RP1: variants seen among roughly 807,000 people sequenced by gnomAD.
The protein encoded by RP1 is oxygen-regulated protein 1.
RP1 carries 16 observed loss-of-function variants against 14.8 expected under a neutral mutation model. The ratio of observed to expected loss-of-function variants is 1.08; its 90% CI spans 0.73 to 1.65. RP1 has a LOEUF of 1.65. Among genes scored for constraint, RP1 ranks in the 40% most tolerant of loss-of-function variants. The probability of loss-of-function intolerance (pLI) is 0.00; values close to 1 mark genes in which losing one functional copy is unlikely to be tolerated. For missense variants in RP1, 2,631 were observed against 2,535.0 expected, an observed-to-expected ratio of 1.04 and a Z score of -0.81; for synonymous variants, 876 against 883.6, an observed-to-expected ratio of 0.99 and a Z score of 0.15.
intron 1 of RP1, among the ~76,000 whole-genome samples, chr8:54,604,622 C>A (rs1215090536): frequency 6.6e-6 from 1 of 152,122 alleles, no homozygotes; most frequent in African/African-American, 2.4e-5. Context: ...GATACCAGAT[C>A]CTCCTTGTAC....
chr8:54,782,246 A>G (rs982826257), intron 23 of RP1, among the ~76,000 whole-genome samples: 1 of 152,132 alleles, frequency 6.6e-6, no homozygotes, highest in Admixed American at 6.6e-5. Flanking sequence ...CACCCTTTTG[A>G]GTTCTGCTGC....
chr8:54,826,354 T>A (rs1168785555), intron 24 of RP1, among the ~76,000 whole-genome samples: 5 of 152,194 alleles, frequency 3.3e-5, no homozygotes, highest in Admixed American at 3.3e-4. Flanking sequence ...CATTGCCACC[T>A]CCTGGAGGAA....
At chr8:54,827,609 C>A (rs963844813) in intron 24 of RP1, among the ~76,000 whole-genome samples, 2 of 152,094 alleles carry the variant, frequency 1.3e-5, no homozygotes, top group Non-Finnish European at 2.9e-5. Flanking sequence ...GGATTACAGG[C>A]GTGAGCCACT....
chr8:54,572,726 A>G (rs1468512542), intron 1 of RP1, among the ~76,000 whole-genome samples: 1 of 152,160 alleles, frequency 6.6e-6, no homozygotes, highest in Non-Finnish European at 1.5e-5. Flanking sequence ...TATGTACTCA[A>G]TGTCTACTCC....
intron 7 of RP1, among the ~76,000 whole-genome samples, chr8:54,669,481 G>T (rs1452195209): frequency 6.6e-6 from 1 of 152,192 alleles, no homozygotes; most frequent in Non-Finnish European, 1.5e-5. Context: ...ATTCCTCAAG[G>T]ATCTAGAACT....
At chr8:54,584,038 G>A (rs2129297915) in intron 1 of RP1, among the ~76,000 whole-genome samples, 1 of 152,020 alleles carries the variant, frequency 6.6e-6, no homozygotes, top group Non-Finnish European at 1.5e-5. Context: ...CTTGCCTTCT[G>A]CTAGCTTTTG....
chr8:54,809,866 G>A (rs1810946607), intron 24 of RP1, among the ~76,000 whole-genome samples: 1 of 152,198 alleles, frequency 6.6e-6, no homozygotes, highest in African/African-American at 2.4e-5. Context: ...GAATTGCAGT[G>A]TGAACGAGAG....
intron 1 of RP1, among the ~76,000 whole-genome samples, chr8:54,584,821 A>T (rs550339029): frequency 5.3e-5 from 8 of 152,114 alleles, no homozygotes; most frequent in African/African-American, 1.9e-4. Context: ...TAAGATTGCA[A>T]CCCCTGCCTT....
intron 25 of RP1, among the ~76,000 whole-genome samples, chr8:54,844,259 T>C (rs1585740628): frequency 1.3e-5 from 2 of 152,308 alleles, no homozygotes; most frequent in Middle Eastern, 6.8e-3. Context: ...CCTAGATAAA[T>C]ATTTAGCTCA....
intron 24 of RP1, among the ~76,000 whole-genome samples, chr8:54,790,040 A>T (rs1437510003): frequency 6.6e-6 from 1 of 152,136 alleles, no homozygotes; most frequent in Non-Finnish European, 1.5e-5. Flanking sequence ...CTGCCTAATC[A>T]TAAGTCCAAG....
chr8:54,780,803 G>A (rs1158390520), intron 23 of RP1: 1 of 385,170 alleles, frequency 2.6e-6, no homozygotes, highest in African/African-American at 2.2e-5. Flanking sequence ...GGGGTTTCTG[G>A]AACCAATCCT....
At chr8:54,661,395 C>T (rs974886877) in intron 6 of RP1, among the ~76,000 whole-genome samples, 1 of 150,624 alleles carries the variant, frequency 6.6e-6, no homozygotes, top group Non-Finnish European at 1.5e-5. Context: ...GGGAGGATCG[C>T]TTGAGTCTGG....
chr8:54,861,168 G>A (rs189321569), intron 27 of RP1, among the ~76,000 whole-genome samples: 1 of 152,150 alleles, frequency 6.6e-6, no homozygotes, highest in Admixed American at 6.5e-5. Flanking sequence ...TTCAAACTGT[G>A]TATTATTTGG....
Position 54,625,434 on chromosome 8 carries a change from G to A in RP1, c.1552G>A (p.Val518Ile), listed in dbSNP as rs1806009984. ...ATCAGTATCTAACAAACCAGTACTTGTTCAGATCAATAACAATGATCAAAT... is the reference window on the plus strand; with the variant it reads ...ATCAGTATCTAACAAACCAGTACTTATTCAGATCAATAACAATGATCAAAT... ...MSSVSNKPVL[V>I]QINNNDQMEE... is the part of the protein sequence containing the mutation. The change falls in exon 4 of 4, where the codon GTT becomes ATT. Residue 518 changes from valine to isoleucine, a missense_variant. Coordinates refer to ENST00000220676, the MANE Select transcript of RP1 (RefSeq NM_006269.2). 1.2e-6 allele frequency: 2 copies of A among 1,613,892 alleles called. No individual in the cohort carries two copies. Among genetic ancestry groups the A allele is most frequent in the Non-Finnish European group, 1.7e-6 (2 of 1,180,026 alleles).
At chr8:54,738,905 A>C in intron 18 of RP1, 1 of 1,339,216 alleles carries the variant, frequency 7.5e-7, no homozygotes, top group Non-Finnish European at 9.9e-7. Context: ...TAATTTAAAA[A>C]ATTCTGATAA....
chr8:54,849,291 C>T (rs1308897681), intron 25 of RP1, among the ~76,000 whole-genome samples: 1 of 151,710 alleles, frequency 6.6e-6, no homozygotes, highest in Non-Finnish European at 1.5e-5. Context: ...GTTCAACAAC[C>T]AACCAGGAGA....
chr8:54,748,895 C>A (rs1397761655), intron 19 of RP1, among the ~76,000 whole-genome samples: 1 of 151,714 alleles, frequency 6.6e-6, no homozygotes, highest in African/African-American at 2.4e-5. Context: ...GGTAGGATTT[C>A]TAAAAGGATT....
At chr8:54,792,832 A>G (rs1810499303) in intron 24 of RP1, among the ~76,000 whole-genome samples, 3 of 151,876 alleles carry the variant, frequency 2.0e-5, no homozygotes, top group African/African-American at 7.2e-5. Context: ...GAAGGAAACA[A>G]TAAAGATTAG....
intron 12 of RP1, among the ~76,000 whole-genome samples, chr8:54,697,328 G>A (rs756936543): frequency 6.6e-6 from 1 of 152,150 alleles, no homozygotes; most frequent in African/African-American, 2.4e-5. Flanking sequence ...TCTGAGGCAG[G>A]TGGATCTCCT....
Sources: allele counts gnomAD v4.1 joint callset (sites outside exome capture counted in the v4.1 genomes callset), GRCh38; gene constraint gnomAD v4.1.1; transcripts MANE v1.5; gene names NCBI Gene and HGNC (gene_info 2026-07-23, HGNC 2026-07-21).